The following PSMB7 variants were observed in gnomAD, a reference collection of about 807,000 sequenced individuals.
PSMB7 encodes proteasome subunit beta type-7.
A neutral mutation model predicts 28.1 loss-of-function variants in PSMB7; 5 were observed. That is an observed-to-expected ratio of 0.18 (90% confidence interval 0.09 to 0.37). PSMB7 has a LOEUF of 0.37. Ranked by LOEUF, PSMB7 falls within the 10% of genes least tolerant of loss-of-function variation. The pLI is 1.00. For missense variants in PSMB7, 275 were observed against 346.2 expected (o/e 0.79, Z 1.63); for synonymous variants, 122 against 123.7 (o/e 0.99, Z 0.09).
chr9:124,408,362 C>G (rs956631831), intron 4 of PSMB7, among the ~76,000 whole-genome samples: 2 of 152,214 alleles, frequency 1.3e-5, no homozygotes, highest in African/African-American at 4.8e-5. Flanking sequence ...CATGAGTACC[C>G]AAGGCTTCTA....
At chr9:124,386,908 T>A (rs951532951) in intron 5 of PSMB7, among the ~76,000 whole-genome samples, 3 of 152,168 alleles carry the variant, frequency 2.0e-5, no homozygotes, top group African/African-American at 7.2e-5. Context: ...CTCAATAATT[T>A]AAGAAATGAA....
At chr9:124,353,761 G>T in intron 7 of PSMB7, 52 bp from the exon 8 acceptor site, 1 of 1,315,382 alleles carries the variant, frequency 7.6e-7, no homozygotes. Flanking sequence ...CAAGGTGCCA[G>T]AGGGCAGAAG....
In PSMB7 at chr9:124,359,651, G is replaced by C. The variant is rs577931420; in HGVS notation, c.571-2736C>G. Among the ~76,000 whole-genome samples, 803 of 152,278 alleles carry C rather than the reference G, an allele frequency of 5.3e-3. 7 individuals are homozygous for C. The highest frequency in any genetic ancestry group is 0.01 in the Middle Eastern group (3 of 294). Reference sequence around the variant, plus strand: ...CTCCTCAGCTAGTCCCTGACTCAAGGCTGTGTCATTCACGCCCCACCACCA... The same window carrying C: ...CTCCTCAGCTAGTCCCTGACTCAAGCCTGTGTCATTCACGCCCCACCACCA... On this transcript the variant is annotated intron_variant, in intron 6 of 7. Transcript: ENST00000259457.
intron 4 of PSMB7, among the ~76,000 whole-genome samples, chr9:124,409,339 A>G (rs1332501595): frequency 6.6e-6 from 1 of 152,234 alleles, no homozygotes; most frequent in African/African-American, 2.4e-5. Context: ...AAAAAGTTAC[A>G]ATATAAGAGT....
intron 6 of PSMB7, among the ~76,000 whole-genome samples, chr9:124,370,525 G>A (rs746920741): frequency 6.6e-6 from 1 of 151,862 alleles, no homozygotes; most frequent in African/African-American, 2.4e-5. Flanking sequence ...CCCCCCTTGA[G>A]TTGATATAGA....
chr9:124,366,053 T>C (rs183523089), intron 6 of PSMB7, among the ~76,000 whole-genome samples: 2 of 152,164 alleles, frequency 1.3e-5, no homozygotes, highest in Non-Finnish European at 2.9e-5. Flanking sequence ...GTGTGTGTGT[T>C]TGTGCCTTAG....
intron 7 of PSMB7, among the ~76,000 whole-genome samples, chr9:124,355,139 A>G (rs954039845): frequency 1.7e-4 from 26 of 152,228 alleles, no homozygotes; most frequent in African/African-American, 6.3e-4. Context: ...AGAAGACAAC[A>G]GAGTCCAGGG....
intron 6 of PSMB7, among the ~76,000 whole-genome samples, chr9:124,361,744 T>C (rs938026532): frequency 1.3e-5 from 2 of 152,246 alleles, no homozygotes; most frequent in African/African-American, 4.8e-5. Context: ...ATGGAGACTG[T>C]ATTAAATCTT....
Position 124,356,661 on chromosome 9 carries a change from TAATGTGGA to T in PSMB7, c.722+95_722+102del, listed in dbSNP as rs1588565235. 1 of 1,346,426 alleles carries T rather than the reference TAATGTGGA, an allele frequency of 7.4e-7. No homozygotes were observed. Among genetic ancestry groups the T allele is most frequent in the Non-Finnish European group, 1.0e-6 (1 of 978,364 alleles). 83.4% of individuals were successfully genotyped at this position (1,346,426 alleles called of 1,614,324 possible). On this transcript the variant is annotated intron_variant, in intron 7 of 7. Coordinates refer to ENST00000259457, the MANE Select transcript of PSMB7 (RefSeq NM_002799.4). The surrounding 1 kb of genome is among the most constrained non-coding windows in gnomAD (Gnocchi z 4.4). The stretch of plus-strand genomic sequence containing the variant: ...TTGATTTGGGAACACTGGATGTACT[TAATGTGGA>T]AAGAACCAGGAAAACTCCATCCAGA...
At chr9:124,393,131 T>C (rs192429357) in intron 5 of PSMB7, among the ~76,000 whole-genome samples, 14 of 152,236 alleles carry the variant, frequency 9.2e-5, no homozygotes, top group African/African-American at 3.4e-4. Context: ...ACAATGCCAA[T>C]GTGTGCAGAG....
chr9:124,407,038 A>T lies in PSMB7; in HGVS notation c.396-1606T>A, dbSNP rs567734244. Among the ~76,000 whole-genome samples the T allele has an allele frequency of 2.6e-5, 4 of 152,332 alleles. No homozygotes were observed. In the South Asian group the frequency reaches 8.3e-4, roughly 32 times the overall value. Reference sequence around the variant, plus strand: ...AAGAAGAATTAGATCTACATTTGTCAACATAAATTGCTCTCAATTTATCTA... The same window carrying T: ...AAGAAGAATTAGATCTACATTTGTCTACATAAATTGCTCTCAATTTATCTA... On this transcript the variant is annotated intron_variant, in intron 4 of 7. Transcript: ENST00000259457.
chr9:124,401,584 T>C (rs1830907736), intron 5 of PSMB7, among the ~76,000 whole-genome samples: 2 of 152,184 alleles, frequency 1.3e-5, no homozygotes, highest in Admixed American at 1.3e-4. Context: ...GAAGTGACCT[T>C]TTCTCCCTTG....
In PSMB7 at chr9:124,354,730, A is replaced by G. The variant is rs533764405; in HGVS notation, c.723-1021T>C. ...TTGAACAATGTGTCCCCACCCCATC[A>G]GTTTGAGGATGCCCCTCATCCCTCA... On this transcript the variant is annotated intron_variant, in intron 7 of 7. Transcript: ENST00000259457. Among the ~76,000 whole-genome samples, 40 of 152,228 alleles carry G rather than the reference A, an allele frequency of 2.6e-4. 4 individuals carry two copies. Among genetic ancestry groups the G allele is most frequent in the South Asian group, 2.5e-3 (12 of 4,828 alleles).
At chr9:124,358,612 C>G (rs1330192530) in intron 6 of PSMB7, among the ~76,000 whole-genome samples, 1 of 152,214 alleles carries the variant, frequency 6.6e-6, no homozygotes, top group African/African-American at 2.4e-5. Flanking sequence ...TCTAGATAGA[C>G]AGCAAAAACC....
chr9:124,403,240 TA>T (rs958013810), intron 5 of PSMB7, among the ~76,000 whole-genome samples: 180 of 145,452 alleles, frequency 1.2e-3, no homozygotes, highest in Admixed American at 1.0e-3. Flanking sequence ...TTGCAGTCAT[TA>T]AAAAAAAAAA....
At chr9:124,370,664 C>T (rs950352707) in intron 6 of PSMB7, among the ~76,000 whole-genome samples, 1 of 152,124 alleles carries the variant, frequency 6.6e-6, no homozygotes, top group African/African-American at 2.4e-5. Context: ...AGTACAGTAG[C>T]AATTTAAAAC....
chr9:124,405,628 A>G (rs903020173), intron 4 of PSMB7, among the ~76,000 whole-genome samples, 196 bp from the exon 5 acceptor site: 1 of 152,208 alleles, frequency 6.6e-6, no homozygotes, highest in East Asian at 1.9e-4. Context: ...AGTATAAACT[A>G]TAAATTATGT....
In PSMB7 at chr9:124,405,464, C is replaced by T. The variant is rs764488096; in HGVS notation, c.396-32G>A. 1.2e-5 allele frequency: 17 copies of T among 1,424,134 alleles called. No individual in the cohort carries two copies. In the South Asian group the frequency reaches 2.0e-4, roughly 17 times the overall value. The allele number at this position is 1,424,134 out of a possible 1,614,324, so 88.2% of individuals were successfully genotyped here. A position where few individuals can be genotyped will look rare whatever the true frequency, so the allele number is the denominator to read the frequency against. The stretch of plus-strand genomic sequence containing the variant: ...ATCAGAGTATGCATAAGAAAAAAAA[C>T]ATGAGTCCACAAAGCATCACTGTAA... On this transcript the variant is annotated intron_variant, in intron 4 of 7. Coordinates refer to ENST00000259457, the MANE Select transcript of PSMB7 (RefSeq NM_002799.4).
intron 7 of PSMB7, among the ~76,000 whole-genome samples, chr9:124,354,100 TC>T (rs1830370254): frequency 6.6e-6 from 1 of 152,196 alleles, no homozygotes; most frequent in Non-Finnish European, 1.5e-5. Context: ...TGATTGCTCT[TC>T]CGTGCAGCAA....
Sources: gnomAD v4.1 joint callset for allele counts (sites outside exome capture counted in the v4.1 genomes callset) on GRCh38, gnomAD v4.1.1 for gene constraint, Gnocchi (gnomAD v3.1) non-coding constraint, MANE v1.5 for transcripts, NCBI Gene and HGNC (gene_info 2026-07-23, HGNC 2026-07-21) for gene names.